The following RBMS3 variants were observed in gnomAD, a reference collection of about 807,000 sequenced individuals.
RBMS3 encodes RNA-binding motif, single-stranded-interacting protein 3.
Under a neutral mutation model 66.8 loss-of-function variants are expected in RBMS3, and 27 were observed. The observed-to-expected ratio is 0.40, with a 90% CI of 0.30 to 0.56. RBMS3 has a LOEUF of 0.56. Ranked by LOEUF, RBMS3 falls within the 20% of genes least tolerant of loss-of-function variation. The probability of loss-of-function intolerance (pLI) is 0.40; values close to 1 mark genes in which losing one functional copy is unlikely to be tolerated. For missense variants in RBMS3, 513 were observed against 549.5 expected (o/e 0.93, Z 0.66); for synonymous variants, 188 against 183.0 (o/e 1.03, Z -0.22).
intron 3 of RBMS3, among the ~76,000 whole-genome samples, chr3:29,509,981 C>T (rs115334577): frequency 0.013 from 2,008 of 152,086 alleles, 49 homozygotes; most frequent in African/African-American, 0.046. Context: ...ATGGTTATAG[C>T]ACAAAAAAAT....
chr3:29,814,563 T>G (rs1349762446), intron 6 of RBMS3, among the ~76,000 whole-genome samples: 1 of 152,196 alleles, frequency 6.6e-6, no homozygotes, highest in Non-Finnish European at 1.5e-5. Context: ...ATGGTACCAG[T>G]TCCTCCTTGT....
chr3:29,777,313 C>T (rs1218981327), intron 6 of RBMS3, among the ~76,000 whole-genome samples: 1 of 151,878 alleles, frequency 6.6e-6, no homozygotes, highest in African/African-American at 2.4e-5. Context: ...CAGAATTATG[C>T]CTTTGTTATT....
chr3:29,607,145 G>A (rs2048341875), intron 4 of RBMS3, among the ~76,000 whole-genome samples: 1 of 151,838 alleles, frequency 6.6e-6, no homozygotes, highest in Admixed American at 6.6e-5. Flanking sequence ...TGGTTATCAT[G>A]TCAAGTTATT....
intron 3 of RBMS3, among the ~76,000 whole-genome samples, chr3:29,508,703 C>T (rs773172280): frequency 2.6e-4 from 39 of 151,710 alleles, no homozygotes; most frequent in Admixed American, 6.6e-4. Context: ...TTAATCCTTT[C>T]GGTATATACC....
chr3:29,386,547 C>T (rs2039017032), intron 1 of RBMS3, among the ~76,000 whole-genome samples: 1 of 152,132 alleles, frequency 6.6e-6, no homozygotes, highest in Non-Finnish European at 1.5e-5. Context: ...TCTACTTGTG[C>T]ACTGGATCAC....
chr3:29,596,376 C>G (rs1268022560), intron 4 of RBMS3, among the ~76,000 whole-genome samples: 1 of 152,188 alleles, frequency 6.6e-6, no homozygotes, highest in Non-Finnish European at 1.5e-5. Context: ...CTGAGATGCT[C>G]TTCAAGTCCT....
In RBMS3 at chr3:29,944,232, T is replaced by C; in HGVS notation, c.1076T>C (p.Ile359Thr). Residue 359 changes from isoleucine to threonine, a missense_variant, in exon 12 of 15, where the codon ATA becomes ACA. Physicochemically the swap from Ile to Thr is moderately conservative, Grantham distance 89. Coordinates refer to ENST00000383767, the MANE Select transcript of RBMS3 (RefSeq NM_001003793.3). ...ATTCAATCCCAAGACAGGATTATGA[T>C]ACTCCACCAGCTGTTGTGTCAGGTA... ...GTIQSQDRIM[I>T]LHQLLCQYMT... The C allele has an allele frequency of 1.9e-6, 3 of 1,593,228 alleles. No individual in the cohort carries two copies. The highest frequency in any genetic ancestry group is 2.6e-6 in the Non-Finnish European group (3 of 1,161,866).
chr3:29,360,739 G>A (rs1241309953), intron 1 of RBMS3, among the ~76,000 whole-genome samples: 1 of 151,976 alleles, frequency 6.6e-6, no homozygotes, highest in Non-Finnish European at 1.5e-5. Flanking sequence ...TCCTGTATTA[G>A]GTGTATATAT....
At chr3:29,340,632 G>A (rs1473494388) in intron 1 of RBMS3, among the ~76,000 whole-genome samples, 4 of 152,108 alleles carry the variant, frequency 2.6e-5, no homozygotes, top group African/African-American at 9.7e-5. Flanking sequence ...ATCCTTAGAA[G>A]AGAGGAATAC....
chr3:29,328,735 A>G (rs1402225500), intron 1 of RBMS3, among the ~76,000 whole-genome samples: 2 of 152,120 alleles, frequency 1.3e-5, no homozygotes, highest in African/African-American at 2.4e-5. Context: ...ATCTCTCATA[A>G]AGGTGCTCAG....
intron 1 of RBMS3, among the ~76,000 whole-genome samples, chr3:29,327,129 G>T (rs1038859749): frequency 6.6e-6 from 1 of 152,122 alleles, no homozygotes; most frequent in Admixed American, 6.5e-5. Flanking sequence ...GGAAAGAAAT[G>T]CCTTTACATT....
intron 6 of RBMS3, among the ~76,000 whole-genome samples, chr3:29,850,345 G>A (rs1009334865): frequency 6.6e-6 from 1 of 152,046 alleles, no homozygotes; most frequent in African/African-American, 2.4e-5. Context: ...CCATGAAGGA[G>A]GCCATCTTTA....
intron 1 of RBMS3, among the ~76,000 whole-genome samples, chr3:29,427,787 A>G (rs749774354): frequency 2.6e-5 from 4 of 152,146 alleles, no homozygotes; most frequent in Non-Finnish European, 4.4e-5. Context: ...GATGGAGTCC[A>G]GAGCTACTCC....
At chr3:29,309,685 A>G (rs2034254090) in intron 1 of RBMS3, among the ~76,000 whole-genome samples, 1 of 151,670 alleles carries the variant, frequency 6.6e-6, no homozygotes, top group Non-Finnish European at 1.5e-5. Flanking sequence ...ATTATAGCAA[A>G]GGGAATATGA....
intron 3 of RBMS3, chr3:29,537,574 C>CA (rs2045610729): frequency 6.6e-6 from 1 of 152,184 alleles, no homozygotes; most frequent in African/African-American, 2.4e-5. Flanking sequence ...CCTGTAATCC[C>CA]AGCACTTTGG....
At chr3:29,473,713 A>G (rs1309954222) in intron 2 of RBMS3, among the ~76,000 whole-genome samples, 8 of 152,040 alleles carry the variant, frequency 5.3e-5, no homozygotes, top group African/African-American at 1.9e-4. Flanking sequence ...CTGCTGGGGG[A>G]CCCAGTACAC....
At chr3:29,517,632 C>T (rs1291372168) in intron 3 of RBMS3, among the ~76,000 whole-genome samples, 3 of 152,128 alleles carry the variant, frequency 2.0e-5, no homozygotes, top group African/African-American at 7.2e-5. Context: ...CCTACATGAT[C>T]TCATATTCTT....
intron 1 of RBMS3, among the ~76,000 whole-genome samples, chr3:29,349,047 C>A (rs2036749921): frequency 6.6e-6 from 1 of 152,130 alleles, no homozygotes; most frequent in South Asian, 2.1e-4. Flanking sequence ...ACTTGACTTT[C>A]TTGAGATGGC....
intron 1 of RBMS3, among the ~76,000 whole-genome samples, chr3:29,342,072 A>C (rs947788549): frequency 6.6e-6 from 1 of 152,198 alleles, no homozygotes; most frequent in Non-Finnish European, 1.5e-5. Context: ...GAGAAGTCTG[A>C]AAGTAAGAAT....
Sources: gnomAD v4.1 joint callset for allele counts (sites outside exome capture counted in the v4.1 genomes callset) on GRCh38, gnomAD v4.1.1 for gene constraint, MANE v1.5 for transcripts, NCBI Gene and HGNC (gene_info 2026-07-23, HGNC 2026-07-21) for gene names.